PTPRS: variants seen among roughly 807,000 people sequenced by gnomAD.
PTPRS encodes protein tyrosine phosphatase receptor type S.
PTPRS carries 63 observed loss-of-function variants against 215.3 expected under a neutral mutation model. The observed-to-expected ratio is 0.29, with a 90% CI of 0.24 to 0.36. The LOEUF (loss-of-function observed/expected upper bound fraction) is 0.36, where lower values mean the gene tolerates loss of function less well. Among genes scored for constraint, PTPRS ranks in the 10% least tolerant of loss-of-function variants. The pLI is 1.00. For synonymous variants in PTPRS, 1,404 were observed against 1,191.4 expected, an observed-to-expected ratio of 1.18 and a Z score of -3.68; for missense variants, 2,258 against 2,825.8, an observed-to-expected ratio of 0.80 and a Z score of 4.56.
intron 1 of PTPRS, among the ~76,000 whole-genome samples, chr19:5,305,704 G>A (rs1237549057): frequency 1.3e-5 from 2 of 150,750 alleles, no homozygotes; most frequent in Non-Finnish European, 2.9e-5. Context: ...ACTCCAGCCT[G>A]GGTGACAGAG....
At chr19:5,277,617 C>T (rs1434329151) in intron 2 of PTPRS, 2 of 363,230 alleles carry the variant, frequency 5.5e-6, no homozygotes, top group Non-Finnish European at 1.0e-5. Context: ...GATCGCGCCA[C>T]CGCACTCCAG....
intron 4 of PTPRS, among the ~76,000 whole-genome samples, chr19:5,265,918 G>A (rs374676795): frequency 2.6e-5 from 4 of 152,242 alleles, no homozygotes; most frequent in South Asian, 2.1e-4. Context: ...GCAGCCTGAG[G>A]ACGCCTTTCT....
At chr19:5,220,949 T>C (rs750654129) in intron 20 of PTPRS, 51 bp downstream of exon 20, 7 of 1,562,194 alleles carry the variant, frequency 4.5e-6, no homozygotes, top group African/African-American at 4.1e-5. Context: ...CCCAGCCATA[T>C]AGTAGGCTGA....
At chr19:5,335,036 C>G (rs775764907) in intron 1 of PTPRS, among the ~76,000 whole-genome samples, 15 of 152,276 alleles carry the variant, frequency 9.9e-5, no homozygotes, top group African/African-American at 3.6e-4. Context: ...CACACAGACG[C>G]GCCAACCTCG....
chr19:5,242,970 G>A (rs1005744232), intron 11 of PTPRS, among the ~76,000 whole-genome samples: 3 of 151,960 alleles, frequency 2.0e-5, no homozygotes, highest in African/African-American at 7.3e-5. Context: ...ACAGACATGA[G>A]CCACTACACT....
At chr19:5,234,410 ATT>A (rs2043265417) in intron 13 of PTPRS, among the ~76,000 whole-genome samples, 2 of 152,178 alleles carry the variant, frequency 1.3e-5, no homozygotes, top group South Asian at 4.1e-4. Flanking sequence ...CATAGCTCAT[ATT>A]GAGCACCTAC....
rs948007410 is a variant in PTPRS, at chr19:5,257,176, G to A, written c.706+841C>T. Among the ~76,000 whole-genome samples the A allele has an allele frequency of 7.3e-5, 11 of 151,052 alleles. No homozygotes were observed. The highest frequency in any genetic ancestry group is 2.0e-4 in the Admixed American group (3 of 15,156). ...AGGAGGCCAACGGAGGCATCTGGGGGCAAGGGAGCCCCCTGGCACCTTTGA... is the reference window on the plus strand; with the variant it reads ...AGGAGGCCAACGGAGGCATCTGGGGACAAGGGAGCCCCCTGGCACCTTTGA... On this transcript the variant is annotated intron_variant, in intron 8 of 37. Coordinates refer to ENST00000262963, the MANE Select transcript of PTPRS (RefSeq NM_002850.4). The surrounding 1 kb of genome is among the most constrained non-coding windows in gnomAD (Gnocchi z 4.4).
At chr19:5,303,411 G>A (rs1438604169) in intron 1 of PTPRS, among the ~76,000 whole-genome samples, 1 of 152,196 alleles carries the variant, frequency 6.6e-6, no homozygotes, top group African/African-American at 2.4e-5. Context: ...CACCTACTGT[G>A]TGCTAGAGCT....
chr19:5,231,927 C>G (rs971520717), intron 13 of PTPRS, among the ~76,000 whole-genome samples: 3 of 152,154 alleles, frequency 2.0e-5, no homozygotes, highest in African/African-American at 7.2e-5. Context: ...ATGCCAGAAA[C>G]TGGGTGGGGG....
At position 5,315,488 on chromosome 19, in the gene PTPRS, C is replaced by T. The variant is rs201389799; in HGVS notation, c.-95+25176G>A. ...AAGCAATTCTCTTGCCTCAGCCTCC[C>T]GAGTAGCTGTGGCCACAGGTGTACA... On this transcript the variant is annotated intron_variant, in intron 1 of 37. Coordinates refer to ENST00000262963, the MANE Select transcript of PTPRS (RefSeq NM_002850.4). 4.0e-4 allele frequency among the ~76,000 whole-genome samples: 60 copies of T among 151,098 alleles called. 1 individual carries two copies. The East Asian group carries it at 0.01, about 25-fold the overall frequency.
intron 4 of PTPRS, among the ~76,000 whole-genome samples, chr19:5,268,240 G>T (rs894360379): frequency 6.6e-6 from 1 of 152,008 alleles, no homozygotes; most frequent in Non-Finnish European, 1.5e-5. Context: ...ACGCCCATTC[G>T]TTTCTCAGCT....
At chr19:5,270,757 C>T (rs1472043637) in intron 4 of PTPRS, among the ~76,000 whole-genome samples, 1 of 152,176 alleles carries the variant, frequency 6.6e-6, no homozygotes, top group Non-Finnish European at 1.5e-5. Context: ...CCTACCTCAG[C>T]CTCCCAAGAA....
chr19:5,221,404 CAGG>C (rs1555748007), intron 19 of PTPRS, 151 bp from the exon 20 acceptor site: 1 of 556,738 alleles, frequency 1.8e-6, no homozygotes, highest in Non-Finnish European at 2.9e-6. Context: ...TCCCTGATCC[CAGG>C]CTGAGTCCCC....
intron 25 of PTPRS, among the ~76,000 whole-genome samples, 178 bp from the exon 26 acceptor site, chr19:5,216,945 G>C (rs1157658426): frequency 6.6e-6 from 1 of 152,174 alleles, no homozygotes; most frequent in East Asian, 1.9e-4. Flanking sequence ...TGCTAACTGT[G>C]TACCCCTCTG....
Position 5,210,165 on chromosome 19 carries a change from C to G in PTPRS, c.5487+304G>C, listed in dbSNP as rs1336083244. Reference sequence around the variant, plus strand: ...CCTCAATCCCTCAAGTCCCTTTCAGCCCTTTAACATCATCCTCCACAGGTG... The same window carrying G: ...CCTCAATCCCTCAAGTCCCTTTCAGGCCTTTAACATCATCCTCCACAGGTG... On this transcript the variant is annotated intron_variant, in intron 35 of 37. Transcript: ENST00000262963. This position sits in a 1 kb window ranked among gnomAD's most constrained non-coding sequence, Gnocchi z 4.5. 6.6e-6 allele frequency among the ~76,000 whole-genome samples: 1 copy of G among 152,218 alleles called. No homozygotes were observed. The highest frequency in any genetic ancestry group is 1.5e-5 in the Non-Finnish European group (1 of 68,038).
In PTPRS at chr19:5,293,063, T is replaced by C. The variant is rs1355901814; in HGVS notation, c.-94-6829A>G. On this transcript the variant is annotated intron_variant, in intron 1 of 37. Transcript: ENST00000262963. The surrounding 1 kb of genome is among the most constrained non-coding windows in gnomAD (Gnocchi z 8.4). ...CCCCGTGGTCCCCAGCCTCGGAGCC[T>C]GGAGGGGGCGCGACAAGAGAGACAA... 1 of 149,034 alleles carries C rather than the reference T, an allele frequency of 6.7e-6. No homozygotes were observed. The highest frequency in any genetic ancestry group is 1.5e-5 in the Non-Finnish European group (1 of 67,070). The allele number at this position is 149,034 out of a possible 1,614,324, so 9.2% of individuals were successfully genotyped here.
At position 5,257,504 on chromosome 19, in the gene PTPRS, G is replaced by C; in HGVS notation, c.706+513C>G. ...GGTGGGGGGTGGGAGGGGCAGCCTC[G>C]AAGACCCCTCCTCAACTTCTAGATT... On this transcript the variant is annotated intron_variant, in intron 8 of 37. Transcript: ENST00000262963. The surrounding 1 kb of genome is among the most constrained non-coding windows in gnomAD (Gnocchi z 4.4). 1 of 454,848 alleles carries C rather than the reference G, an allele frequency of 2.2e-6. No individual in the cohort carries two copies. The highest frequency in any genetic ancestry group is 4.1e-4 in the Middle Eastern group (1 of 2,434). The allele number at this position is 454,848 out of a possible 1,614,324, so 28.2% of individuals were successfully genotyped here.
At chr19:5,243,223 C>T (rs372024225) in intron 11 of PTPRS, among the ~76,000 whole-genome samples, 56 of 151,954 alleles carry the variant, frequency 3.7e-4, no homozygotes, top group African/African-American at 1.2e-3. Context: ...CAAACTCTGC[C>T]CAGGTTCAAG....
At chr19:5,249,470 C>T (rs1166571617) in intron 9 of PTPRS, among the ~76,000 whole-genome samples, 1 of 152,184 alleles carries the variant, frequency 6.6e-6, no homozygotes, top group Non-Finnish European at 1.5e-5. Context: ...AGAGAGGTGA[C>T]AAGACTAGAT....
Sources: allele counts gnomAD v4.1 joint callset (sites outside exome capture counted in the v4.1 genomes callset), GRCh38; gene constraint gnomAD v4.1.1; non-coding constraint Gnocchi (gnomAD v3.1); transcripts MANE v1.5; gene names NCBI Gene and HGNC (gene_info 2026-07-23, HGNC 2026-07-21).